CARMIL1: variants seen among roughly 807,000 people sequenced by gnomAD.
The protein encoded by CARMIL1 is capping protein regulator and myosin 1 linker 1, also known as F-actin-uncapping protein LRRC16A.
Under a neutral mutation model 177.1 loss-of-function variants are expected in CARMIL1, and 90 were observed. The ratio of observed to expected loss-of-function variants is 0.51; its 90% CI spans 0.43 to 0.61. The LOEUF is 0.61. Ranked by LOEUF, CARMIL1 falls within the 20% of genes least tolerant of loss-of-function variation. The pLI, the probability that CARMIL1 is intolerant of heterozygous loss-of-function variation, is 0.00. For missense variants in CARMIL1, 1,380 were observed against 1,667.0 expected (o/e 0.83, Z 3.00); for synonymous variants, 577 against 606.2 (o/e 0.95, Z 0.71).
chr6:25,358,916 T>G (rs952131663), intron 2 of CARMIL1, among the ~76,000 whole-genome samples: 1 of 152,212 alleles, frequency 6.6e-6, no homozygotes, highest in African/African-American at 2.4e-5. Context: ...TGTAGAAATA[T>G]CTTACTATAA....
chr6:25,366,762 G>A (rs1789859175), intron 2 of CARMIL1, among the ~76,000 whole-genome samples: 1 of 152,018 alleles, frequency 6.6e-6, no homozygotes, highest in African/African-American at 2.4e-5. Context: ...TGTACAGGTT[G>A]GCCCCTGGTA....
intron 23 of CARMIL1, 35 bp downstream of exon 23, chr6:25,520,372 T>A (rs1274114366): frequency 1.7e-6 from 2 of 1,157,746 alleles, no homozygotes; most frequent in African/African-American, 1.6e-5. Context: ...TACAAGAAAT[T>A]CACATTTGAA....
chr6:25,560,795 T>C (rs1811042566), intron 29 of CARMIL1, among the ~76,000 whole-genome samples: 1 of 152,218 alleles, frequency 6.6e-6, no homozygotes, highest in South Asian at 2.1e-4. Context: ...AGGTGCTTAC[T>C]AGCCCCAGAT....
chr6:25,460,093 G>A (rs778246387), intron 8 of CARMIL1, among the ~76,000 whole-genome samples: 24 of 152,204 alleles, frequency 1.6e-4, no homozygotes, highest in Non-Finnish European at 2.9e-4. Flanking sequence ...AATTGCATGA[G>A]CACTTAGTGA....
At chr6:25,397,027 A>G (rs1436650541) in intron 2 of CARMIL1, among the ~76,000 whole-genome samples, 2 of 152,108 alleles carry the variant, frequency 1.3e-5, no homozygotes, top group Non-Finnish European at 2.9e-5. Flanking sequence ...TGAGAGCGGC[A>G]TCAAGGAGGA....
At chr6:25,483,140 C>T (rs1802280506) in intron 12 of CARMIL1, among the ~76,000 whole-genome samples, 1 of 152,144 alleles carries the variant, frequency 6.6e-6, no homozygotes, top group Non-Finnish European at 1.5e-5. Flanking sequence ...TGTGTCTTTC[C>T]TGCTACACTG....
At chr6:25,312,916 A>AACAAC (rs1554160587) in intron 2 of CARMIL1, among the ~76,000 whole-genome samples, 1 of 96,604 alleles carries the variant, frequency 1.0e-5, no homozygotes, top group Admixed American at 9.8e-5. Context: ...AAAAAAAAAA[A>AACAAC]AAAAAAAAAA....
chr6:25,443,447 G>C (rs140678794), intron 5 of CARMIL1, among the ~76,000 whole-genome samples: 1,684 of 152,308 alleles, frequency 0.011, 21 homozygotes, highest in Middle Eastern at 0.017. Flanking sequence ...TGCACTTGTA[G>C]ATCTTGTGCA....
chr6:25,510,701 T>C lies in CARMIL1; in HGVS notation c.1578-7T>C. On this transcript the variant is annotated splice_region_variant and splice_polypyrimidine_tract_variant and intron_variant, in intron 19 of 36. Transcript: ENST00000329474. ...TTCCACTGTCCACATCTCTAAAATC[T>C]CTTTAGAAATCTGACACCTGTATTG... is the stretch of plus-strand genomic sequence containing the variant. 6.5e-7 allele frequency: 1 copy of C among 1,541,260 alleles called. No individual in the cohort carries two copies. The highest frequency in any genetic ancestry group is 8.8e-7 in the Non-Finnish European group (1 of 1,136,702).
chr6:25,537,356 G>A (rs1442200030), intron 24 of CARMIL1, among the ~76,000 whole-genome samples: 8 of 152,146 alleles, frequency 5.3e-5, no homozygotes, highest in Non-Finnish European at 1.2e-4. Flanking sequence ...TTTAAGAGAT[G>A]TTCTGGTTTC....
chr6:25,600,276 G>A lies in CARMIL1; in HGVS notation c.3120-38G>A, dbSNP rs775986318. ...TGATTCTTGCTGGAACTTATTTACA[G>A]TAAAAACAACAGATCTGTGTCTTGG... On this transcript the variant is annotated intron_variant, in intron 32 of 36. Coordinates refer to ENST00000329474, the MANE Select transcript of CARMIL1 (RefSeq NM_017640.6). 3.9e-6 allele frequency: 6 copies of A among 1,544,810 alleles called. 1 individual carries two copies. In the Admixed American group the frequency reaches 1.0e-4, roughly 26 times the overall value.
At chr6:25,455,054 A>C (rs1156407829) in intron 8 of CARMIL1, among the ~76,000 whole-genome samples, 1 of 152,136 alleles carries the variant, frequency 6.6e-6, no homozygotes. Flanking sequence ...GTATACATGA[A>C]TTTTCCCACT....
At chr6:25,436,439 G>A (rs771586273) in intron 5 of CARMIL1, among the ~76,000 whole-genome samples, 3 of 152,200 alleles carry the variant, frequency 2.0e-5, no homozygotes, top group Admixed American at 6.5e-5. Flanking sequence ...TGTTCCTTGC[G>A]TGGTGGAGGT....
intron 9 of CARMIL1, among the ~76,000 whole-genome samples, chr6:25,468,906 C>T (rs888911463): frequency 1.3e-5 from 2 of 152,094 alleles, no homozygotes; most frequent in Non-Finnish European, 2.9e-5. Flanking sequence ...TGCAAGGTAG[C>T]CCAGAAATGG....
intron 2 of CARMIL1, among the ~76,000 whole-genome samples, chr6:25,319,927 C>T (rs1214755222): frequency 6.6e-6 from 1 of 151,988 alleles, no homozygotes; most frequent in African/African-American, 2.4e-5. Context: ...GTTATCGCTC[C>T]CTGAAAGTGG....
At chr6:25,550,739 A>G (rs575685616) in intron 26 of CARMIL1, among the ~76,000 whole-genome samples, 171 bp from the exon 27 acceptor site, 1 of 152,132 alleles carries the variant, frequency 6.6e-6, no homozygotes, top group African/African-American at 2.4e-5. Flanking sequence ...TGATCATCCA[A>G]CAGTCACAAG....
chr6:25,406,945 C>T (rs1794427005), intron 2 of CARMIL1, among the ~76,000 whole-genome samples: 1 of 129,100 alleles, frequency 7.7e-6, no homozygotes, highest in African/African-American at 3.0e-5. Context: ...GGGGATTGGA[C>T]ATGTGACTAG....
intron 2 of CARMIL1, among the ~76,000 whole-genome samples, chr6:25,308,614 C>G (rs951583868): frequency 1.3e-5 from 2 of 151,972 alleles, no homozygotes; most frequent in Non-Finnish European, 2.9e-5. Context: ...AACTCCTGAC[C>G]TTGTGATCCA....
At chr6:25,487,668 A>G (rs1802796509) in intron 12 of CARMIL1, among the ~76,000 whole-genome samples, 1 of 152,110 alleles carries the variant, frequency 6.6e-6, no homozygotes, top group African/African-American at 2.4e-5. Context: ...CTGGGCTCCC[A>G]TTTTATAATG....
Sources: gnomAD v4.1 joint callset for allele counts (sites outside exome capture counted in the v4.1 genomes callset) on GRCh38, gnomAD v4.1.1 for gene constraint, MANE v1.5 for transcripts, NCBI Gene and HGNC (gene_info 2026-07-23, HGNC 2026-07-21) for gene names.